Variants in GPC6 observed in about 807,000 individuals in gnomAD.
The protein encoded by GPC6 is glypican-6.
Under a neutral mutation model 55.2 loss-of-function variants are expected in GPC6, and 14 were observed. The observed-to-expected ratio is 0.25, with a 90% CI of 0.17 to 0.40. The LOEUF (loss-of-function observed/expected upper bound fraction) is 0.40. GPC6 is among the 10% of genes least tolerant of loss of function. GPC6 has a pLI of 1.00. For synonymous variants in GPC6, 278 were observed against 259.6 expected (o/e 1.07, Z -0.68); for missense variants, 641 against 708.5 (o/e 0.90, Z 1.08).
chr13:94,103,007 G>C (rs1367158579), intron 4 of GPC6, among the ~76,000 whole-genome samples: 1 of 152,126 alleles, frequency 6.6e-6, no homozygotes, highest in Non-Finnish European at 1.5e-5. Flanking sequence ...ATTTACATTA[G>C]GTATTTCTCC....
At chr13:93,505,235 A>G (rs1297442752) in intron 1 of GPC6, among the ~76,000 whole-genome samples, 1 of 152,094 alleles carries the variant, frequency 6.6e-6, no homozygotes, top group Non-Finnish European at 1.5e-5. Context: ...CTTTAGCCTC[A>G]TTTTTTGCAG....
At chr13:93,602,662 A>G (rs965187293) in intron 2 of GPC6, among the ~76,000 whole-genome samples, 1 of 152,232 alleles carries the variant, frequency 6.6e-6, no homozygotes, top group African/African-American at 2.4e-5. Context: ...GTATTAATCA[A>G]TCATGAAAAA....
At chr13:94,298,919 T>G (rs1199045619) in intron 5 of GPC6, among the ~76,000 whole-genome samples, 5 of 152,198 alleles carry the variant, frequency 3.3e-5, no homozygotes, top group African/African-American at 1.2e-4. Context: ...AGACACTTGA[T>G]GAGTGTTCAT....
chr13:93,673,232 C>G (rs576534492), intron 2 of GPC6, among the ~76,000 whole-genome samples: 1 of 152,102 alleles, frequency 6.6e-6, no homozygotes, highest in Non-Finnish European at 1.5e-5. Flanking sequence ...GTCCTGCTCT[C>G]TATGGCAAAA....
chr13:94,147,568 G>A (rs1217334425), intron 4 of GPC6, among the ~76,000 whole-genome samples: 1 of 152,162 alleles, frequency 6.6e-6, no homozygotes, highest in African/African-American at 2.4e-5. Context: ...AACTGTTGTT[G>A]TTATCATGAT....
At chr13:93,490,438 A>T (rs1879923010) in intron 1 of GPC6, among the ~76,000 whole-genome samples, 1 of 117,772 alleles carries the variant, frequency 8.5e-6, no homozygotes, top group Non-Finnish European at 1.8e-5. Flanking sequence ...CATGTTTTGA[A>T]GTTGGTCCAC....
At chr13:94,056,018 C>T (rs984030264) in intron 4 of GPC6, among the ~76,000 whole-genome samples, 2 of 152,144 alleles carry the variant, frequency 1.3e-5, no homozygotes, top group Admixed American at 6.5e-5. Context: ...AGGCCCAGCC[C>T]CTCTTAGCTT....
At chr13:94,258,955 G>A (rs1396242064) in intron 4 of GPC6, among the ~76,000 whole-genome samples, 1 of 151,946 alleles carries the variant, frequency 6.6e-6, no homozygotes, top group African/African-American at 2.4e-5. Flanking sequence ...TTTCCTAGAA[G>A]CCCCTACCAC....
At chr13:93,671,010 T>C (rs1016752321) in intron 2 of GPC6, among the ~76,000 whole-genome samples, 1 of 152,318 alleles carries the variant, frequency 6.6e-6, no homozygotes, top group Middle Eastern at 3.4e-3. Context: ...ATTTTCACAC[T>C]GTTGGCAAAG....
rs568893650 is a variant in GPC6, at chr13:93,911,926, T to G, written c.711+81381T>G. 4.5e-4 allele frequency among the ~76,000 whole-genome samples: 68 copies of G among 152,244 alleles called. 1 individual carries two copies. Among genetic ancestry groups the G allele is most frequent in the Middle Eastern group, 6.8e-3 (2 of 294 alleles). ...AAAGGCATAGTGGTGTGAAGTGTAA[T>G]GTACAAGTGATTTCATACAGCTGAG... On this transcript the variant is annotated intron_variant, in intron 3 of 8. Coordinates refer to ENST00000377047, the MANE Select transcript of GPC6 (RefSeq NM_005708.5).
chr13:93,700,620 T>C (rs1357341522), intron 2 of GPC6, among the ~76,000 whole-genome samples: 1 of 152,138 alleles, frequency 6.6e-6, no homozygotes, highest in Non-Finnish European at 1.5e-5. Context: ...TGATACATTT[T>C]ATAGTAAGAC....
At position 93,238,553 on chromosome 13, in the gene GPC6, G is replaced by A. The variant is rs552522298; in HGVS notation, c.160+10937G>A. On this transcript the variant is annotated intron_variant, in intron 1 of 8. Transcript: ENST00000377047. Reference sequence around the variant, plus strand: ...AGTTTGACTTCCTCTTTTCTAACTGGAATGCCTTTTATTTCTTTCTTTTGG... The same window carrying A: ...AGTTTGACTTCCTCTTTTCTAACTGAAATGCCTTTTATTTCTTTCTTTTGG... Among the ~76,000 whole-genome samples, 23 of 152,056 alleles carry A rather than the reference G, an allele frequency of 1.5e-4. No individual in the cohort carries two copies. In the South Asian group the frequency reaches 4.0e-3, roughly 26 times the overall value.
chr13:93,879,406 G>A (rs920502138), intron 3 of GPC6, among the ~76,000 whole-genome samples: 65 of 152,180 alleles, frequency 4.3e-4, no homozygotes, highest in Non-Finnish European at 8.1e-4. Flanking sequence ...CAGAAATAAT[G>A]CCCCATATCT....
In GPC6 at chr13:93,589,545, G is replaced by A. The variant is rs572673831; in HGVS notation, c.319+44124G>A. ...TTTTGGTAAATTTTAATGAAGCAGC[G>A]CATTTCTGGGGATCAATTCCTCTTA... On this transcript the variant is annotated intron_variant, in intron 2 of 8. Transcript: ENST00000377047. Among the ~76,000 whole-genome samples the A allele has an allele frequency of 1.1e-4, 17 of 152,156 alleles. No individual in the cohort carries two copies. In the South Asian group the frequency reaches 1.7e-3, roughly 15 times the overall value.
At chr13:94,187,232 G>C (rs1400026872) in intron 4 of GPC6, 1 of 152,266 alleles carries the variant, frequency 6.6e-6, no homozygotes, top group Non-Finnish European at 1.5e-5. Flanking sequence ...ACAGGAAACT[G>C]AGGCTCGTAT....
intron 6 of GPC6, among the ~76,000 whole-genome samples, chr13:94,317,665 GT>G (rs911733937): frequency 6.6e-6 from 1 of 151,900 alleles, no homozygotes; most frequent in Admixed American, 6.6e-5. Context: ...CTTTTGTCAA[GT>G]TTTTTTTGAC....
chr13:93,541,733 A>C (rs1180216198), intron 1 of GPC6, among the ~76,000 whole-genome samples: 2 of 147,496 alleles, frequency 1.4e-5, no homozygotes, highest in African/African-American at 2.5e-5. Context: ...CTGCTGTGAG[A>C]TGGTATCTCA....
intron 2 of GPC6, among the ~76,000 whole-genome samples, chr13:93,756,734 CTT>C (rs1255522315): frequency 6.6e-6 from 1 of 152,090 alleles, no homozygotes; most frequent in African/African-American, 2.4e-5. Flanking sequence ...AATCACTTTT[CTT>C]TTCCTTTATT....
chr13:94,319,073 C>G lies in GPC6; in HGVS notation c.1152+12950C>G, dbSNP rs145528614. On this transcript the variant is annotated intron_variant, in intron 6 of 8. Transcript: ENST00000377047. ...GGAACACTTAGTTCACCTAAATGTA[C>G]TAGAAATATTGATATTTATTTCTTC... 8.3e-3 allele frequency among the ~76,000 whole-genome samples: 1,268 copies of G among 152,168 alleles called. 19 individuals are homozygous for G. The highest frequency in any genetic ancestry group is 0.029 in the African/African-American group (1,208 of 41,534).
Sources: gnomAD v4.1 joint callset for allele counts (sites outside exome capture counted in the v4.1 genomes callset) on GRCh38, gnomAD v4.1.1 for gene constraint, MANE v1.5 for transcripts, NCBI Gene and HGNC (gene_info 2026-07-23, HGNC 2026-07-21) for gene names.